LRP5: variants seen among roughly 807,000 people sequenced by gnomAD.
LRP5 encodes the protein LDL receptor related protein 5.
In LRP5, 62 loss-of-function variants were observed where a neutral mutation model predicts 154.1. That is an observed-to-expected ratio of 0.40 (90% CI 0.33 to 0.50). The LOEUF is 0.50. Among genes scored for constraint, LRP5 ranks in the 20% least tolerant of loss-of-function variants. LRP5 has a pLI of 0.55. For missense variants in LRP5, 1,915 were observed against 2,336.7 expected, an observed-to-expected ratio of 0.82 and a Z score of 3.72; for synonymous variants, 966 against 1,011.5, an observed-to-expected ratio of 0.96 and a Z score of 0.85.
chr11:68,393,962 G>A (rs541412794), intron 7 of LRP5, among the ~76,000 whole-genome samples: 2 of 152,198 alleles, frequency 1.3e-5, no homozygotes, highest in Non-Finnish European at 2.9e-5. Context: ...ATTTGCGAAC[G>A]AGAAATGAGG....
chr11:68,398,460 T>TGGCCTCTGGC (rs1226861109), intron 7 of LRP5, among the ~76,000 whole-genome samples: 1 of 152,106 alleles, frequency 6.6e-6, no homozygotes, highest in Non-Finnish European at 1.5e-5. Context: ...GACCCTTGGG[T>TGGCCTCTGGC]GGCCTCTGGC....
the LRP5 span, among the ~76,000 whole-genome samples, chr11:68,300,174 G>T: frequency 2.3e-4 from 35 of 149,170 alleles, 5 homozygotes; most frequent in Admixed American, 8.0e-4. Context: ...GTACAGGCAT[G>T]AGCCACCGTG....
intron 20 of LRP5, 124 bp from the exon 21 acceptor site, chr11:68,439,653 A>G: frequency 2.8e-6 from 3 of 1,068,864 alleles, no homozygotes; most frequent in Non-Finnish European, 4.2e-6. Context: ...CACATTTCCA[A>G]CAGGACACAC....
chr11:68,323,544 G>A (rs1307815051), intron 1 of LRP5, among the ~76,000 whole-genome samples: 1 of 152,182 alleles, frequency 6.6e-6, no homozygotes, highest in Non-Finnish European at 1.5e-5. Context: ...CTCCTGAGTA[G>A]CTGGGACTAC....
chr11:68,386,490 T>A lies in LRP5; in HGVS notation c.1190T>A (p.Ile397Asn). Reference protein sequence around the residue: ...VYWTDDEVRAIRRAYLDGSGA... With the variant: ...VYWTDDEVRANRRAYLDGSGA... ...TGGACAGATGACGAGGTGCGGGCCATCCGCAGGGCGTACCTGGACGGGTCT... is the reference window on the plus strand; with the variant it reads ...TGGACAGATGACGAGGTGCGGGCCAACCGCAGGGCGTACCTGGACGGGTCT... Residue 397 changes from isoleucine to asparagine, a missense_variant, in exon 6 of 23, where the codon ATC becomes AAC. Ile to Asn is a moderately radical substitution (Grantham distance 149). This residue lies in a region of LRP5 where 773 missense variants were observed against 1,100.9 expected (regional missense o/e 0.70). Coordinates refer to ENST00000294304, the MANE Select transcript of LRP5 (RefSeq NM_002335.4). The surrounding 1 kb of genome is among the most constrained non-coding windows in gnomAD (Gnocchi z 7.9). The A allele has an allele frequency of 6.2e-7, 1 of 1,614,010 alleles. No homozygotes were observed. The highest frequency in any genetic ancestry group is 8.5e-7 in the Non-Finnish European group (1 of 1,180,004).
chr11:68,363,277 T>A (rs2098629038), intron 3 of LRP5, among the ~76,000 whole-genome samples: 1 of 152,150 alleles, frequency 6.6e-6, no homozygotes, highest in South Asian at 2.1e-4. Context: ...CAGGCTGTGT[T>A]TGGGAGGTGC....
chr11:68,321,058 G>GTTTTTTTTTTT (rs36049256), intron 1 of LRP5, among the ~76,000 whole-genome samples: 2 of 119,794 alleles, frequency 1.7e-5, no homozygotes, highest in Non-Finnish European at 3.3e-5. Flanking sequence ...TTCTGTCTGG[G>GTTTTTTTTTTT]TTTTTTTTTT....
At position 68,429,697 on chromosome 11, in the gene LRP5, G is replaced by A; in HGVS notation, c.3760G>A (p.Gly1254Arg). ...GCTCCTGCAGAACCTGCTGACCTGTGGAGGTAGGTGTGACCTAGGTGCTCC... is the reference window on the plus strand; with the variant it reads ...GCTCCTGCAGAACCTGCTGACCTGTAGAGGTAGGTGTGACCTAGGTGCTCC... ...LVLLQNLLTC[G>R]EPPTCSPDQF... The change falls in exon 17 of 23, where the codon GGA becomes AGA. Residue 1254 changes from glycine (G) to arginine (R), a missense_variant. Physicochemically the swap from Gly to Arg is moderately radical, Grantham distance 125 (BLOSUM62 -2). Coordinates refer to ENST00000294304, the MANE Select transcript of LRP5 (RefSeq NM_002335.4). 3.1e-6 allele frequency: 5 copies of A among 1,614,144 alleles called. No homozygotes were observed. Among genetic ancestry groups the A allele is most frequent in the African/African-American group, 1.3e-5 (1 of 75,056 alleles).
intron 14 of LRP5, 132 bp from the exon 15 acceptor site, chr11:68,424,970 A>T: frequency 1.4e-6 from 1 of 705,830 alleles, no homozygotes; most frequent in Non-Finnish European, 2.5e-6. Flanking sequence ...ACTAGTATAG[A>T]ATGTGACCTG....
chr11:68,414,122 G>T, intron 12 of LRP5, 110 bp downstream of exon 12: 1 of 1,044,342 alleles, frequency 9.6e-7, no homozygotes, highest in Non-Finnish European at 1.4e-6. Flanking sequence ...GTACATAGAT[G>T]GTTGGGTAGG....
chr11:68,331,836 A>G (rs1358758814), intron 1 of LRP5, among the ~76,000 whole-genome samples: 1 of 152,076 alleles, frequency 6.6e-6, no homozygotes, highest in African/African-American at 2.4e-5. Context: ...AGGGGCCAAC[A>G]GGAATGGGGG....
At chr11:68,356,046 G>A (rs999837726) in intron 2 of LRP5, among the ~76,000 whole-genome samples, 11 of 150,682 alleles carry the variant, frequency 7.3e-5, no homozygotes, top group South Asian at 4.2e-4. Context: ...GGGTTTCACC[G>A]TGTTAGCCAG....
chr11:68,321,064 T>G (rs568479234), intron 1 of LRP5, among the ~76,000 whole-genome samples: 193 of 148,552 alleles, frequency 1.3e-3, no homozygotes, highest in Non-Finnish European at 2.2e-3. Flanking sequence ...CTGGGTTTTT[T>G]TTTTTTTTTT....
rs757890963 is a variant in LRP5, at chr11:68,446,526, C to T, written c.4579C>T (p.Pro1527Ser). ...TTCAAACATTCCGGCCACTGCGAGACCGTACAGGTAGGACATCCCCTGCAG... is the reference window on the plus strand; with the variant it reads ...TTCAAACATTCCGGCCACTGCGAGATCGTACAGGTAGGACATCCCCTGCAG... ...YSSNIPATAR[P>S]YRPYIIRGMA... The change falls in exon 22 of 23, where the codon CCG (proline) becomes TCG (serine). Residue 1527 changes from proline (P) to serine (S), a missense_variant. Transcript: ENST00000294304. The T allele has an allele frequency of 7.4e-6, 12 of 1,613,576 alleles. No homozygotes were observed. Among genetic ancestry groups the T allele is most frequent in the African/African-American group, 1.3e-5 (1 of 74,928 alleles).
At chr11:68,385,774 C>G (rs2153152596) in intron 5 of LRP5, among the ~76,000 whole-genome samples, 1 of 152,162 alleles carries the variant, frequency 6.6e-6, no homozygotes, top group Admixed American at 6.5e-5. Context: ...TAGGAGCCCC[C>G]CGGCACGGTG....
At chr11:68,301,187 C>A in the LRP5 span, among the ~76,000 whole-genome samples, 15 of 149,508 alleles carry the variant, frequency 1.0e-4, no homozygotes, top group African/African-American at 3.2e-4. Flanking sequence ...CTACCTTGGC[C>A]TCCCAAAATG....
Position 68,439,866 on chromosome 11 carries a change from G to T in LRP5, c.4438G>T (p.Gly1480Trp). Reference sequence around the variant, plus strand: ...CCTCTACGACCGGAACCACGTCACAGGGGCCTCGTCCAGCAGCTCGTCCAG... The same window carrying T: ...CCTCTACGACCGGAACCACGTCACATGGGCCTCGTCCAGCAGCTCGTCCAG... ...VPLYDRNHVT[G>W]ASSSSSSSTK... Residue 1480 changes from glycine (G) to tryptophan (W), a missense_variant, in exon 21 of 23, where the codon GGG becomes TGG. Gly to Trp is a radical substitution (Grantham distance 184). Transcript: ENST00000294304. 1 of 1,602,354 alleles carries T rather than the reference G, an allele frequency of 6.2e-7. No homozygotes were observed. The highest frequency in any genetic ancestry group is 1.7e-5 in the Admixed American group (1 of 58,642).
chr11:68,443,320 T>TC (rs2098679145), intron 21 of LRP5, among the ~76,000 whole-genome samples: 1 of 150,538 alleles, frequency 6.6e-6, no homozygotes, highest in East Asian at 2.0e-4. Context: ...CTGGCCAACA[T>TC]GGAGAAACCC....
intron 1 of LRP5, among the ~76,000 whole-genome samples, chr11:68,318,823 C>T (rs1489077293): frequency 6.6e-6 from 1 of 152,218 alleles, no homozygotes; most frequent in Non-Finnish European, 1.5e-5. Context: ...CAGGGCCCTG[C>T]AGGGCTCAGA....
Sources: allele counts gnomAD v4.1 joint callset (sites outside exome capture counted in the v4.1 genomes callset), GRCh38; gene constraint gnomAD v4.1.1; regional missense constraint gnomAD v4.1.1; non-coding constraint Gnocchi (gnomAD v3.1); transcripts MANE v1.5; gene names NCBI Gene and HGNC (gene_info 2026-07-23, HGNC 2026-07-21).